CDS2: variants seen among roughly 807,000 people sequenced by gnomAD.
The protein encoded by CDS2 is CDP-diacylglycerol synthase 2.
CDS2 carries 47 observed loss-of-function variants against 59.0 expected under a neutral mutation model. The observed-to-expected ratio is 0.80, with a 90% confidence interval of 0.63 to 1.02. CDS2 has a LOEUF of 1.02. Among genes scored for constraint, CDS2 ranks in the 50% least tolerant of loss-of-function variants. The pLI is 0.00. For synonymous variants in CDS2, 207 were observed against 206.4 expected, an observed-to-expected ratio of 1.00 and a Z score of -0.02; for missense variants, 356 against 558.9, an observed-to-expected ratio of 0.64 and a Z score of 3.66.
At chr20:5,146,504 C>T (rs376021042) in intron 1 of CDS2, among the ~76,000 whole-genome samples, 144 of 152,326 alleles carry the variant, frequency 9.5e-4, no homozygotes, top group South Asian at 3.3e-3. Context: ...CCCTTGTGTG[C>T]TTCCCACGGT....
Position 5,182,464 on chromosome 20 carries a change from T to C in CDS2, c.588+19T>C. ...CTACATGGTAAAGGAAATGCATGCG[T>C]GTGTGTCAGAATTCTTGATTTAAAT... On this transcript the variant is annotated intron_variant, in intron 6 of 12. Transcript: ENST00000460006. 6.3e-7 allele frequency: 1 copy of C among 1,599,020 alleles called. No homozygotes were observed. Among genetic ancestry groups the C allele is most frequent in the Non-Finnish European group, 8.5e-7 (1 of 1,171,498 alleles).
chr20:5,145,741 A>G (rs16990673), intron 1 of CDS2, among the ~76,000 whole-genome samples: 14,626 of 151,000 alleles, frequency 0.097, 831 homozygotes, highest in Middle Eastern at 0.17. Flanking sequence ...CATTCATTTC[A>G]TTGGGATATT....
intron 1 of CDS2, among the ~76,000 whole-genome samples, chr20:5,137,668 G>T (rs1259079265): frequency 6.6e-6 from 1 of 151,760 alleles, no homozygotes; most frequent in Admixed American, 6.6e-5. Context: ...TTTAAAATTT[G>T]CTGGGCGTGG....
chr20:5,189,770 C>G lies in CDS2; in HGVS notation c.1137C>G (p.Ile379Met). 6.2e-7 allele frequency: 1 copy of G among 1,614,104 alleles called. No homozygotes were observed. Among genetic ancestry groups the G allele is most frequent in the Non-Finnish European group, 8.5e-7 (1 of 1,179,966 alleles). ...ATACCATTCCTGGCCATGGAGGCAT[C>G]ATGGATCGCTTTGACTGCCAGTATC... ...FANTIPGHGGIMDRFDCQYLM... is the reference protein window; with the variant it reads ...FANTIPGHGGMMDRFDCQYLM... Residue 379 changes from isoleucine (I) to methionine (M), a missense_variant, in exon 12 of 13, where the codon ATC becomes ATG. Ile to Met is a conservative substitution (Grantham distance 10). Transcript: ENST00000460006.
intron 1 of CDS2, among the ~76,000 whole-genome samples, chr20:5,154,834 G>A (rs1465768326): frequency 6.6e-6 from 1 of 152,184 alleles, no homozygotes; most frequent in Non-Finnish European, 1.5e-5. Context: ...TTTTAGTAGA[G>A]ATGTGGTTTC....
At chr20:5,164,019 G>A (rs1349967238) in intron 1 of CDS2, among the ~76,000 whole-genome samples, 1 of 152,008 alleles carries the variant, frequency 6.6e-6, no homozygotes, top group Non-Finnish European at 1.5e-5. Flanking sequence ...TTGAACTCCT[G>A]ACCTCAGGTG....
At chr20:5,172,591 G>C (rs1196359680) in intron 1 of CDS2, among the ~76,000 whole-genome samples, 1 of 152,148 alleles carries the variant, frequency 6.6e-6, no homozygotes, top group Non-Finnish European at 1.5e-5. Context: ...GAACTTCCCA[G>C]ATCCCGTTTC....
intron 1 of CDS2, among the ~76,000 whole-genome samples, chr20:5,173,085 A>G (rs563964031): frequency 6.6e-6 from 1 of 152,360 alleles, no homozygotes; most frequent in South Asian, 2.1e-4. Flanking sequence ...GACTTGGGAC[A>G]TGTTGACATT....
chr20:5,197,339 G>C lies in CDS2; in HGVS notation c.*7105G>C, dbSNP rs916775376. 4.6e-5 allele frequency: 7 copies of C among 151,290 alleles called. No individual in the cohort carries two copies. Among genetic ancestry groups the C allele is most frequent in the Non-Finnish European group, 1.0e-4 (7 of 67,872 alleles). 9.4% of individuals were successfully genotyped at this position (151,290 alleles called of 1,614,324 possible). On this transcript the variant is annotated 3_prime_UTR_variant, in exon 13 of 13. Coordinates refer to ENST00000460006, the MANE Select transcript of CDS2 (RefSeq NM_003818.4). ...TAAAAAGTTCCCAAACACAGAAAGG[G>C]CCTCCCCACCTGCTTTGGGGAGCTG...
rs73893896 is a variant in CDS2 at position 5,135,169 on chromosome 20, C to T, written c.57+8020C>T. Among the ~76,000 whole-genome samples, 401 of 152,190 alleles carry T rather than the reference C, an allele frequency of 2.6e-3. 4 individuals are homozygous for T. The highest frequency in any genetic ancestry group is 2.7e-3 in the East Asian group (14 of 5,188). On this transcript the variant is annotated intron_variant, in intron 1 of 12. Transcript: ENST00000460006. ...TGACCATTGAACTCCTGGGTTCAAG[C>T]GATCTTCTCGCCTCGGCCTCTCAAA...
intron 4 of CDS2, among the ~76,000 whole-genome samples, chr20:5,177,195 A>G (rs1041300595): frequency 3.9e-5 from 6 of 152,092 alleles, no homozygotes; most frequent in African/African-American, 1.4e-4. Flanking sequence ...TTTCTAGATC[A>G]GTATATTTTT....
At chr20:5,152,464 A>G (rs1166681212) in intron 1 of CDS2, among the ~76,000 whole-genome samples, 1 of 152,224 alleles carries the variant, frequency 6.6e-6, no homozygotes. Flanking sequence ...CAGGCAGGCC[A>G]GGTACGGTGG....
chr20:5,171,365 C>T (rs1179759381), intron 1 of CDS2, among the ~76,000 whole-genome samples: 1 of 152,202 alleles, frequency 6.6e-6, no homozygotes, highest in Admixed American at 6.5e-5. Flanking sequence ...GCCCTCTCCC[C>T]TGCTGCTCTG....
At chr20:5,173,749 G>A (rs989472251) in intron 2 of CDS2, 90 bp downstream of exon 2, 81 of 1,484,984 alleles carry the variant, frequency 5.5e-5, no homozygotes, top group Non-Finnish European at 6.7e-5. Context: ...CCGTGGTCTT[G>A]CAGAGCAGGC....
rs1600524880 is a variant in CDS2, at chr20:5,194,031, A to G, written c.*3797A>G. ...GAGGATGTCCAGGTGACTTTTATGG[A>G]CACATTGCAAGACAGTAAGCCGCGG... is the stretch of plus-strand genomic sequence containing the variant. On this transcript the variant is annotated 3_prime_UTR_variant, in exon 13 of 13. Transcript: ENST00000460006. 1 of 152,278 alleles carries G rather than the reference A, an allele frequency of 6.6e-6. No homozygotes were observed. The highest frequency in any genetic ancestry group is 1.5e-5 in the Non-Finnish European group (1 of 68,048). 9.4% of individuals were successfully genotyped at this position (152,278 alleles called of 1,614,324 possible). A position where few individuals can be genotyped will look rare whatever the true frequency, so the allele number is the denominator to read the frequency against.
intron 6 of CDS2, among the ~76,000 whole-genome samples, chr20:5,182,647 A>G (rs1600512856): frequency 6.6e-6 from 1 of 152,190 alleles, no homozygotes. Flanking sequence ...TGTTACTTAC[A>G]CCTTAAGCAG....
chr20:5,131,363 C>T (rs1222341084), intron 1 of CDS2, among the ~76,000 whole-genome samples: 1 of 152,174 alleles, frequency 6.6e-6, no homozygotes, highest in African/African-American at 2.4e-5. Flanking sequence ...GTATAGTTGC[C>T]AAACTAAGAA....
chr20:5,154,265 G>C (rs1478800124), intron 1 of CDS2, among the ~76,000 whole-genome samples: 1 of 152,164 alleles, frequency 6.6e-6, no homozygotes, highest in Non-Finnish European at 1.5e-5. Flanking sequence ...AGGCTCTCTT[G>C]GGCTGTGAAG....
intron 1 of CDS2, among the ~76,000 whole-genome samples, chr20:5,164,239 C>T (rs1183535431): frequency 6.6e-6 from 1 of 151,964 alleles, no homozygotes; most frequent in Non-Finnish European, 1.5e-5. Context: ...GGTTATAAAC[C>T]AGGAATACTA....
Sources: allele counts gnomAD v4.1 joint callset (sites outside exome capture counted in the v4.1 genomes callset), GRCh38; gene constraint gnomAD v4.1.1; transcripts MANE v1.5; gene names NCBI Gene and HGNC (gene_info 2026-07-23, HGNC 2026-07-21).